Variants in LOC400499 observed in about 807,000 individuals in gnomAD.
the LOC400499 span, among the ~76,000 whole-genome samples, chr16:11,522,948 C>T: frequency 6.6e-6 from 1 of 152,134 alleles, no homozygotes; most frequent in Non-Finnish European, 1.5e-5. Context: ...GGGGATCAAG[C>T]GTGAAACCTA....
At chr16:11,385,511 G>A in the LOC400499 span, 1 of 891,276 alleles carries the variant, frequency 1.1e-6, no homozygotes. Context: ...GATGCCTAGA[G>A]CTTTGGCTTA....
the LOC400499 span, chr16:11,383,963 C>T: frequency 8.1e-7 from 1 of 1,231,852 alleles, no homozygotes; most frequent in Non-Finnish European, 1.0e-6. Context: ...CCCGGGCAGG[C>T]CTGCTCCTGC....
the LOC400499 span, among the ~76,000 whole-genome samples, chr16:11,489,321 T>A: frequency 6.6e-6 from 1 of 152,236 alleles, no homozygotes; most frequent in African/African-American, 2.4e-5. Flanking sequence ...AACCTTAGTT[T>A]TCTCATCTGA....
At chr16:11,509,328 C>A in the LOC400499 span, among the ~76,000 whole-genome samples, 1 of 150,956 alleles carries the variant, frequency 6.6e-6, no homozygotes, top group Non-Finnish European at 1.5e-5. Context: ...CCATGTTAGC[C>A]AGGATGGTCT....
chr16:11,471,599 C>T, the LOC400499 span: 5 of 399,016 alleles, frequency 1.3e-5, no homozygotes, highest in Non-Finnish European at 2.2e-5. Context: ...CCAGGGCTGA[C>T]CTAAGGAGAT....
the LOC400499 span, chr16:11,407,231 T>C: frequency 0.015 from 5,913 of 398,894 alleles, 283 homozygotes; most frequent in African/African-American, 0.1. Context: ...TTTGATGAAA[T>C]TGTTGAGACC....
At chr16:11,460,859 A>T in the LOC400499 span, 2 of 1,383,660 alleles carry the variant, frequency 1.4e-6, no homozygotes, top group Non-Finnish European at 1.9e-6. Context: ...CTAATGGAAA[A>T]CCCCGTGGTG....
the LOC400499 span, chr16:11,390,160 G>A: frequency 7.3e-6 from 9 of 1,232,266 alleles, no homozygotes; most frequent in African/African-American, 4.7e-5. Flanking sequence ...TTCAGTGCCC[G>A]TGAGAACGTG....
chr16:11,524,368 ACC>A, the LOC400499 span, among the ~76,000 whole-genome samples: 2 of 56,194 alleles, frequency 3.6e-5, no homozygotes, highest in African/African-American at 2.4e-4. Context: ...CCAGCCACCC[ACC>A]CTCTCCTGTC....
chr16:11,448,104 C>T, the LOC400499 span: 100,417 of 1,525,870 alleles, frequency 0.066, 3,670 homozygotes, highest in East Asian at 0.11. Context: ...AAGAGAGGGA[C>T]GGGCCAGCAG....
At chr16:11,472,683 T>G in the LOC400499 span, 3 of 152,254 alleles carry the variant, frequency 2.0e-5, no homozygotes, top group African/African-American at 7.2e-5. Context: ...AGACTCACTG[T>G]AAAGGCCTCA....
At chr16:11,451,636 AAAG>A in the LOC400499 span, among the ~76,000 whole-genome samples, 50 of 152,346 alleles carry the variant, frequency 3.3e-4, 1 homozygote, top group East Asian at 5.2e-3. Context: ...GAAAAACAAT[AAAG>A]AAGGAATTTG....
chr16:11,386,449 G>C, the LOC400499 span, among the ~76,000 whole-genome samples: 6 of 152,210 alleles, frequency 3.9e-5, no homozygotes, highest in African/African-American at 9.7e-5. Context: ...CCAATGTGCT[G>C]CTTAGACATG....
chr16:11,475,638 C>G, the LOC400499 span: 1 of 399,096 alleles, frequency 2.5e-6, no homozygotes, highest in Non-Finnish European at 4.4e-6. Context: ...CTCACCAGTA[C>G]AGGACTGGAC....
At chr16:11,385,531 G>T in the LOC400499 span, 1 of 662,390 alleles carries the variant, frequency 1.5e-6, no homozygotes, top group Non-Finnish European at 2.1e-6. Context: ...AGCCTGCCCT[G>T]AGGCCTGGAT....
chr16:11,508,691 G>A, the LOC400499 span: 18 of 398,982 alleles, frequency 4.5e-5, no homozygotes, highest in Non-Finnish European at 8.0e-5. Context: ...AAAGACTCTG[G>A]CCTGGGGCTG....
chr16:11,477,008 G>A, the LOC400499 span: 14 of 399,812 alleles, frequency 3.5e-5, no homozygotes, highest in Admixed American at 1.8e-4. Context: ...TCCCACCTGC[G>A]ACCCCCAGCA....
At chr16:11,486,760 AT>A in the LOC400499 span, among the ~76,000 whole-genome samples, 1 of 13,620 alleles carries the variant, frequency 7.3e-5, no homozygotes. Context: ...GGGTGGGTGG[AT>A]GGATGAATGG....
At chr16:11,474,511 T>A in the LOC400499 span, among the ~76,000 whole-genome samples, 2 of 152,152 alleles carry the variant, frequency 1.3e-5, no homozygotes, top group African/African-American at 4.8e-5. Flanking sequence ...GTGATTTTGG[T>A]TTGCTTGTAT....
Sources: gnomAD v4.1 joint callset for allele counts (sites outside exome capture counted in the v4.1 genomes callset) on GRCh38, gnomAD v4.1.1 for gene constraint, MANE v1.5 for transcripts.